Variants in JADE2 observed in about 807,000 individuals in gnomAD.
JADE2 encodes the protein jade family PHD finger 2.
In JADE2, 13 loss-of-function variants were observed where a neutral mutation model predicts 85.7. The observed-to-expected ratio is 0.15, with a 90% CI of 0.10 to 0.24. JADE2 has a LOEUF of 0.24. Among genes scored for constraint, JADE2 ranks in the 10% least tolerant of loss-of-function variants. The pLI, the probability that JADE2 is intolerant of heterozygous loss-of-function variation, is 1.00. For synonymous variants in JADE2, 440 were observed against 456.1 expected (o/e 0.96, Z 0.45); for missense variants, 846 against 1,115.9 (o/e 0.76, Z 3.45).
In JADE2 at chr5:134,579,135, C is replaced by T; in HGVS notation, c.2323C>T (p.Pro775Ser). The part of the protein sequence containing the change: ...PGARPDAGMG[P>S]PSAVAERPKV... ...TGCCAGGCCTGATGCTGGGATGGGA[C>T]CACCTTCAGCTGTGGCTGAGAGGCC... Residue 775 changes from proline (P) to serine (S), a missense_variant, in exon 12 of 12, where the codon CCA (proline) becomes TCA (serine). Physicochemically the swap from Pro to Ser is moderately conservative, Grantham distance 74. Coordinates refer to ENST00000681547, the MANE Select transcript of JADE2 (RefSeq NM_001388185.1). The surrounding 1 kb of genome is among the most constrained non-coding windows in gnomAD (Gnocchi z 4.6). 1 of 1,614,224 alleles carries T rather than the reference C, an allele frequency of 6.2e-7. No homozygotes were observed. The highest frequency in any genetic ancestry group is 8.5e-7 in the Non-Finnish European group (1 of 1,180,046).
chr5:134,578,862 C>T lies in JADE2; in HGVS notation c.2050C>T (p.Gln684Ter). Residue 684 changes from glutamine to a stop codon, truncating the protein, a stop_gained, in exon 12 of 12, where the codon CAA becomes TAA. Coordinates refer to ENST00000681547, the MANE Select transcript of JADE2 (RefSeq NM_001388185.1). LOFTEE classifies it high-confidence loss of function. This position sits in a 1 kb window ranked among gnomAD's most constrained non-coding sequence, Gnocchi z 4.4. ...GGATGCAGGCAGTGGCAAGGGGGGT[C>T]AAGGGCCACCTACCAGGAAGCCACC... ...GQDAGSGKGGQGPPTRKPPRR... is the reference protein window; with the variant it reads ...GQDAGSGKGG 1 of 1,613,774 alleles carries T rather than the reference C, an allele frequency of 6.2e-7. No individual in the cohort carries two copies. Among genetic ancestry groups the T allele is most frequent in the Non-Finnish European group, 8.5e-7 (1 of 1,180,010 alleles).
chr5:134,574,071 G>A (rs1341085764), intron 10 of JADE2: 2 of 418,252 alleles, frequency 4.8e-6, no homozygotes, highest in South Asian at 2.2e-5. Context: ...CAGGTACAGA[G>A]AAGAAGTCCT....
chr5:134,538,961 C>A (rs1761774651), intron 3 of JADE2, among the ~76,000 whole-genome samples: 1 of 151,056 alleles, frequency 6.6e-6, no homozygotes, highest in Admixed American at 6.6e-5. Context: ...GGTTCAAATG[C>A]CTCTCCTGCC....
chr5:134,564,719 A>C (rs1400668321), intron 8 of JADE2, 109 bp downstream of exon 8: 1 of 678,470 alleles, frequency 1.5e-6, no homozygotes, highest in African/African-American at 1.8e-5. Flanking sequence ...CTGCAGACTG[A>C]TGGGCCCCAG....
At chr5:134,559,636 GT>G (rs1480031091) in intron 4 of JADE2, among the ~76,000 whole-genome samples, 193 bp from the exon 5 acceptor site, 1 of 152,212 alleles carries the variant, frequency 6.6e-6, no homozygotes, top group Non-Finnish European at 1.5e-5. Context: ...TTCACCCACA[GT>G]CATCTGAGTC....
rs754065220 is a variant in JADE2 at position 134,560,965 on chromosome 5, G to C, written c.684+8G>C. ...AACGTCTGTGTGCATCAGGTGGGCA[G>C]ACCCCCCAGTCACCCTCACCTGTGC... On this transcript the variant is annotated splice_region_variant and intron_variant, in intron 6 of 11. Transcript: ENST00000681547. 6.2e-7 allele frequency: 1 copy of C among 1,609,188 alleles called. No individual in the cohort carries two copies. The highest frequency in any genetic ancestry group is 1.1e-5 in the South Asian group (1 of 90,512).
At chr5:134,554,389 C>A (rs975767323) in intron 4 of JADE2, among the ~76,000 whole-genome samples, 1 of 152,126 alleles carries the variant, frequency 6.6e-6, no homozygotes, top group African/African-American at 2.4e-5. Context: ...AAGGTCAGGC[C>A]ACCAGGTGGG....
chr5:134,579,413 G>C lies in JADE2; in HGVS notation c.*96G>C. On this transcript the variant is annotated 3_prime_UTR_variant, in exon 12 of 12. Coordinates refer to ENST00000681547, the MANE Select transcript of JADE2 (RefSeq NM_001388185.1). This position sits in a 1 kb window ranked among gnomAD's most constrained non-coding sequence, Gnocchi z 4.6. ...TTTCCAGTCTCTGCTGAGTGTCCCAGACCCTCGAGGCTGCCACTCCGTCGT... is the reference window on the plus strand; with the variant it reads ...TTTCCAGTCTCTGCTGAGTGTCCCACACCCTCGAGGCTGCCACTCCGTCGT... 1 of 962,180 alleles carries C rather than the reference G, an allele frequency of 1.0e-6. No homozygotes were observed. Among genetic ancestry groups the C allele is most frequent in the South Asian group, 1.7e-5 (1 of 58,014 alleles). 59.6% of individuals were successfully genotyped at this position (962,180 alleles called of 1,614,324 possible). A position where few individuals can be genotyped will look rare whatever the true frequency, so the allele number is the denominator to read the frequency against.
intron 3 of JADE2, among the ~76,000 whole-genome samples, chr5:134,547,380 G>T (rs984893944): frequency 6.6e-6 from 1 of 152,228 alleles, no homozygotes; most frequent in Non-Finnish European, 1.5e-5. Flanking sequence ...GAACTTGGTT[G>T]CTAGGCAGCA....
At chr5:134,571,629 C>T (rs867344212) in intron 9 of JADE2, among the ~76,000 whole-genome samples, 1 of 152,136 alleles carries the variant, frequency 6.6e-6, no homozygotes, top group Non-Finnish European at 1.5e-5. Context: ...CCCGGGAGGC[C>T]GAGGTTGCAG....
chr5:134,551,380 G>A (rs2589410), intron 3 of JADE2, among the ~76,000 whole-genome samples: 1 of 151,762 alleles, frequency 6.6e-6, no homozygotes, highest in Non-Finnish European at 1.5e-5. Context: ...AGGCATGTGC[G>A]ACCACACCCA....
In JADE2 at chr5:134,562,073, C is replaced by G. The variant is rs1180023966; in HGVS notation, c.685-127C>G. ...GCATTGTAACTCCTCAGAAGTTGTA[C>G]GTGCCAGAGATGGGAGGCTGTGTAG... On this transcript the variant is annotated intron_variant, in intron 6 of 11. Coordinates refer to ENST00000681547, the MANE Select transcript of JADE2 (RefSeq NM_001388185.1). The surrounding 1 kb of genome is among the most constrained non-coding windows in gnomAD (Gnocchi z 4.6). The G allele has an allele frequency of 1.2e-5, 11 of 921,390 alleles. No homozygotes were observed. The highest frequency in any genetic ancestry group is 1.8e-5 in the Non-Finnish European group (11 of 626,596). The allele number at this position is 921,390 out of a possible 1,614,324, so 57.1% of individuals were successfully genotyped here.
Position 134,579,756 on chromosome 5 carries a change from C to T in JADE2, c.*439C>T, listed in dbSNP as rs577862446. On this transcript the variant is annotated 3_prime_UTR_variant, in exon 12 of 12. Transcript: ENST00000681547. This position sits in a 1 kb window ranked among gnomAD's most constrained non-coding sequence, Gnocchi z 4.6. ...TCCCACTGGGGTCCATTTGGGGGGT[C>T]CTGCTACACTCCACCGATCCCCAAG... is the stretch of plus-strand genomic sequence containing the variant. The T allele has an allele frequency of 5.9e-6, 1 of 170,862 alleles. No individual in the cohort carries two copies. The highest frequency in any genetic ancestry group is 2.4e-5 in the African/African-American group (1 of 42,216). The allele number at this position is 170,862 out of a possible 1,614,324, so 10.6% of individuals were successfully genotyped here. A position where few individuals can be genotyped will look rare whatever the true frequency, so the allele number is the denominator to read the frequency against.
At position 134,538,009 on chromosome 5, in the gene JADE2, G is replaced by A. The variant is rs370233989; in HGVS notation, c.79G>A (p.Ala27Thr). ...TGCAGGTCATGCGACATCTACATCC[G>A]CATCAAGATGCTCCAAACTGCCCAG... ...TTDSHATSTS[A>T]SRCSKLPSST... The change falls in exon 3 of 12, where the codon GCA (alanine) becomes ACA (threonine). Residue 27 changes from alanine (A) to threonine (T), a missense_variant. Physicochemically the swap from Ala to Thr is moderately conservative, Grantham distance 58 (BLOSUM62 0). Transcript: ENST00000681547. The A allele has an allele frequency of 6.2e-6, 10 of 1,614,010 alleles. No individual in the cohort carries two copies. The highest frequency in any genetic ancestry group is 1.7e-4 in the Middle Eastern group (1 of 6,058).
intron 1 of JADE2, among the ~76,000 whole-genome samples, chr5:134,528,262 GGC>G (rs1761002887): frequency 6.6e-6 from 1 of 152,122 alleles, no homozygotes; most frequent in Non-Finnish European, 1.5e-5. Context: ...TTGGCAAAAG[GGC>G]TCGGCATGGA....
At chr5:134,533,482 A>G (rs1307001444) in intron 1 of JADE2, 1 of 963,228 alleles carries the variant, frequency 1.0e-6, no homozygotes, top group Non-Finnish European at 1.2e-6. Context: ...ATTTGAACCC[A>G]TCAACAACTT....
chr5:134,548,958 A>G (rs1581426186), intron 3 of JADE2, among the ~76,000 whole-genome samples: 2 of 152,354 alleles, frequency 1.3e-5, no homozygotes, highest in African/African-American at 2.4e-5. Context: ...AAGCACTGCC[A>G]GGAGCCAGCT....
intron 4 of JADE2, among the ~76,000 whole-genome samples, chr5:134,558,463 A>G (rs534522345): frequency 9.9e-5 from 15 of 151,366 alleles, no homozygotes; most frequent in South Asian, 2.1e-4. Context: ...GCCCACGCCT[A>G]TGTCCTGAAT....
At chr5:134,532,786 T>C (rs991496947) in intron 1 of JADE2, among the ~76,000 whole-genome samples, 4 of 152,110 alleles carry the variant, frequency 2.6e-5, no homozygotes, top group Non-Finnish European at 5.9e-5. Flanking sequence ...GGGTGATCCA[T>C]GGGGCAAAAA....
Sources: allele counts gnomAD v4.1 joint callset (sites outside exome capture counted in the v4.1 genomes callset), GRCh38; gene constraint gnomAD v4.1.1; non-coding constraint Gnocchi (gnomAD v3.1); transcripts MANE v1.5; gene names NCBI Gene and HGNC (gene_info 2026-07-23, HGNC 2026-07-21).